Variants in CPEB3 observed in about 807,000 individuals in gnomAD.
The protein encoded by CPEB3 is cytoplasmic polyadenylation element binding protein 3, also known as cytoplasmic polyadenylation element-binding protein 3.
Under a neutral mutation model 67.2 loss-of-function variants are expected in CPEB3, and 20 were observed. The observed-to-expected ratio is 0.30, with a 90% CI of 0.21 to 0.43. The LOEUF is 0.43. CPEB3 is among the 20% of genes least tolerant of loss of function. The pLI, the probability that CPEB3 is intolerant of heterozygous loss-of-function variation, is 1.00. For missense variants in CPEB3, 746 were observed against 968.6 expected (o/e 0.77, Z 3.05); for synonymous variants, 376 against 393.1 (o/e 0.96, Z 0.51).
intron 6 of CPEB3, among the ~76,000 whole-genome samples, chr10:92,142,811 C>T (rs1846499211): frequency 6.6e-6 from 1 of 152,162 alleles, no homozygotes. Context: ...CAGGGTCTCA[C>T]TGTCAATAAA....
chr10:92,100,896 C>G (rs1326649479), intron 7 of CPEB3, among the ~76,000 whole-genome samples: 1 of 152,194 alleles, frequency 6.6e-6, no homozygotes, highest in Non-Finnish European at 1.5e-5. Flanking sequence ...CGGCCAAGAA[C>G]AGTTTTTAAC....
At chr10:92,114,963 A>G (rs551121693) in intron 6 of CPEB3, among the ~76,000 whole-genome samples, 6 of 152,366 alleles carry the variant, frequency 3.9e-5, no homozygotes, top group African/African-American at 7.2e-5. Context: ...ATATGGTCTC[A>G]TTACAAACAT....
chr10:92,138,699 A>C (rs188588329), intron 6 of CPEB3, among the ~76,000 whole-genome samples: 1 of 152,312 alleles, frequency 6.6e-6, no homozygotes, highest in East Asian at 1.9e-4. Context: ...AGGCTATAAG[A>C]AATGCTGGTG....
At chr10:92,275,453 T>C (rs548180868) in intron 1 of CPEB3, among the ~76,000 whole-genome samples, 45 of 152,340 alleles carry the variant, frequency 3.0e-4, no homozygotes, top group African/African-American at 1.0e-3. Context: ...GCTCATGTTA[T>C]ATGGGTATGT....
chr10:92,105,721 T>TG (rs1278594945), intron 7 of CPEB3, among the ~76,000 whole-genome samples: 24 of 146,072 alleles, frequency 1.6e-4, no homozygotes, highest in African/African-American at 5.1e-4. Flanking sequence ...GTGGGTTTTT[T>TG]TTTTTTTTTT....
At chr10:92,094,808 GACACACACAC>G (rs10654734) in intron 7 of CPEB3, among the ~76,000 whole-genome samples, 3 of 145,732 alleles carry the variant, frequency 2.1e-5, no homozygotes, top group Non-Finnish European at 4.5e-5. Context: ...AGATTCTAAT[GACACACACAC>G]ACACACACAC....
chr10:92,186,906 G>C (rs1848721463), intron 3 of CPEB3, among the ~76,000 whole-genome samples: 1 of 152,118 alleles, frequency 6.6e-6, no homozygotes, highest in Non-Finnish European at 1.5e-5. Flanking sequence ...AACAGTTTGT[G>C]TAATCTGCTA....
At chr10:92,058,488 G>T (rs533570378) in intron 9 of CPEB3, among the ~76,000 whole-genome samples, 1 of 152,100 alleles carries the variant, frequency 6.6e-6, no homozygotes, top group South Asian at 2.1e-4. Context: ...GGTGGAGGTT[G>T]CAGTGAGCTG....
At chr10:92,098,894 C>A (rs1844031921) in intron 7 of CPEB3, among the ~76,000 whole-genome samples, 1 of 150,570 alleles carries the variant, frequency 6.6e-6, no homozygotes. Flanking sequence ...GCCTTGGTCT[C>A]CCGAGTAGCT....
intron 4 of CPEB3, among the ~76,000 whole-genome samples, chr10:92,159,479 C>T (rs1246891738): frequency 6.6e-6 from 1 of 152,056 alleles, no homozygotes; most frequent in African/African-American, 2.4e-5. Context: ...TGAGACCATC[C>T]TGGCCAACAT....
At chr10:92,190,600 C>G (rs115305784) in intron 3 of CPEB3, among the ~76,000 whole-genome samples, 1 of 133,840 alleles carries the variant, frequency 7.5e-6, no homozygotes, top group Non-Finnish European at 1.5e-5. Flanking sequence ...ATGAGGCACA[C>G]GTTGTGGTAA....
At chr10:92,145,170 CTA>C in intron 4 of CPEB3, 85 bp from the exon 5 acceptor site, 1 of 1,485,530 alleles carries the variant, frequency 6.7e-7, no homozygotes, top group Non-Finnish European at 9.3e-7. Flanking sequence ...AATAAATGCT[CTA>C]TTAGAAGCCC....
chr10:92,242,302 G>A (rs562084751), intron 1 of CPEB3, among the ~76,000 whole-genome samples: 16 of 152,192 alleles, frequency 1.1e-4, no homozygotes, highest in Non-Finnish European at 1.8e-4. Flanking sequence ...ACAGATTGCC[G>A]GCTACTACCA....
At chr10:92,096,033 A>ATT (rs11335065) in intron 7 of CPEB3, among the ~76,000 whole-genome samples, 17 of 102,552 alleles carry the variant, frequency 1.7e-4, no homozygotes, top group Admixed American at 3.0e-4. Context: ...CACCTGGCTG[A>ATT]TTTTTTTTTT....
chr10:92,188,814 G>A (rs1848822741), intron 3 of CPEB3, among the ~76,000 whole-genome samples: 1 of 152,190 alleles, frequency 6.6e-6, no homozygotes. Flanking sequence ...ATATTTTTCA[G>A]TGTGCTGTGA....
intron 2 of CPEB3, among the ~76,000 whole-genome samples, chr10:92,219,810 T>C (rs779476484): frequency 6.6e-6 from 1 of 152,310 alleles, no homozygotes; most frequent in East Asian, 1.9e-4. Flanking sequence ...TATTACCTTC[T>C]GATGAGCTCA....
At chr10:92,145,230 C>T (rs2133846078) in intron 4 of CPEB3, 145 bp from the exon 5 acceptor site, 1 of 809,952 alleles carries the variant, frequency 1.2e-6, no homozygotes, top group Non-Finnish European at 1.9e-6. Context: ...TGAGCTGTGG[C>T]TTTTCCAAGA....
In CPEB3 at chr10:92,048,383, T is replaced by TCACACACA. The variant is rs373292872; in HGVS notation, c.*3828_*3829insTGTGTGTG. ...GTTTTTCTCTCTCTCTCTCTCTCTCTCTCTCACACACACACACACACACAC... is the reference window on the plus strand; with the variant it reads ...GTTTTTCTCTCTCTCTCTCTCTCTCTCACACACACTCTCACACACACACACACACACAC... On this transcript the variant is annotated 3_prime_UTR_variant, in exon 10 of 10. Transcript: ENST00000265997. This position sits in a 1 kb window ranked among gnomAD's most constrained non-coding sequence, Gnocchi z 4.1. 0.07 allele frequency: 5,346 copies of TCACACACA among 76,006 alleles called. 139 individuals carry two copies. Among genetic ancestry groups the TCACACACA allele is most frequent in the South Asian group, 0.11 (149 of 1,322 alleles). The allele number at this position is 76,006 out of a possible 1,614,324, so 4.7% of individuals were successfully genotyped here.
At chr10:92,206,427 A>G (rs1849793866) in intron 2 of CPEB3, among the ~76,000 whole-genome samples, 1 of 151,938 alleles carries the variant, frequency 6.6e-6, no homozygotes, top group Non-Finnish European at 1.5e-5. Flanking sequence ...AGTAATCTCT[A>G]TGTACTCTTT....
Sources: allele counts gnomAD v4.1 joint callset (sites outside exome capture counted in the v4.1 genomes callset), GRCh38; gene constraint gnomAD v4.1.1; non-coding constraint Gnocchi (gnomAD v3.1); transcripts MANE v1.5; gene names NCBI Gene and HGNC (gene_info 2026-07-23, HGNC 2026-07-21).